Variants in MYT1L observed in about 807,000 individuals in gnomAD.
The protein encoded by MYT1L is myelin transcription factor 1 like.
MYT1L carries 12 observed loss-of-function variants against 126.7 expected under a neutral mutation model. That is an observed-to-expected ratio of 0.09 (90% CI 0.06 to 0.15). MYT1L has a LOEUF of 0.15. Among genes scored for constraint, MYT1L ranks in the 10% least tolerant of loss-of-function variants. The pLI, the probability that MYT1L is intolerant of heterozygous loss-of-function variation, is 1.00. For missense variants in MYT1L, 979 were observed against 1,585.2 expected (o/e 0.62, Z 6.49); for synonymous variants, 541 against 604.2 (o/e 0.90, Z 1.53).
At chr2:1,988,746 C>T (rs1228399584) in intron 5 of MYT1L, among the ~76,000 whole-genome samples, 1 of 152,220 alleles carries the variant, frequency 6.6e-6, no homozygotes, top group African/African-American at 2.4e-5. Flanking sequence ...AGCAGATGCT[C>T]TCCAACTCCT....
intron 4 of MYT1L, among the ~76,000 whole-genome samples, chr2:2,020,556 T>G (rs1196422661): frequency 1.3e-5 from 2 of 152,244 alleles, no homozygotes; most frequent in African/African-American, 4.8e-5. Flanking sequence ...CTACCTCCTC[T>G]TCTATGATGT....
chr2:1,974,204 C>T (rs942923526), intron 8 of MYT1L, among the ~76,000 whole-genome samples: 1 of 152,136 alleles, frequency 6.6e-6, no homozygotes, highest in Non-Finnish European at 1.5e-5. Context: ...CTGAGGTTTG[C>T]TTTGTGAGCT....
intron 23 of MYT1L, among the ~76,000 whole-genome samples, chr2:1,794,219 C>G (rs902784994): frequency 6.6e-6 from 1 of 152,210 alleles, no homozygotes; most frequent in Non-Finnish European, 1.5e-5. Context: ...GCCCCTCGGC[C>G]CCTCCTGTCT....
chr2:1,918,957 T>C (rs191505687), intron 10 of MYT1L, among the ~76,000 whole-genome samples: 1 of 152,238 alleles, frequency 6.6e-6, no homozygotes, highest in Admixed American at 6.5e-5. Context: ...AAATATAAAG[T>C]AGTAAGTGCA....
intron 2 of MYT1L, among the ~76,000 whole-genome samples, chr2:2,252,738 T>C (rs2094688150): frequency 6.6e-6 from 1 of 152,124 alleles, no homozygotes; most frequent in East Asian, 1.9e-4. Context: ...GAGGCCATCG[T>C]CTTCTTCATC....
chr2:2,196,526 C>T (rs1271753959), intron 2 of MYT1L, among the ~76,000 whole-genome samples: 1 of 150,790 alleles, frequency 6.6e-6, no homozygotes, highest in East Asian at 1.9e-4. Flanking sequence ...TATATATATC[C>T]ATATATCACA....
chr2:1,859,722 A>C (rs1253645700), intron 18 of MYT1L, among the ~76,000 whole-genome samples: 1 of 152,240 alleles, frequency 6.6e-6, no homozygotes, highest in South Asian at 2.1e-4. Flanking sequence ...TCCAGTGCCT[A>C]TATTAGCACT....
intron 2 of MYT1L, among the ~76,000 whole-genome samples, chr2:2,187,407 C>T (rs146255015): frequency 1.3e-5 from 2 of 152,052 alleles, no homozygotes; most frequent in African/African-American, 4.8e-5. Flanking sequence ...TTTCATTCGC[C>T]GTCAACACAA....
intron 3 of MYT1L, among the ~76,000 whole-genome samples, chr2:2,164,439 A>C (rs889193028): frequency 6.6e-6 from 1 of 152,204 alleles, no homozygotes; most frequent in East Asian, 1.9e-4. Context: ...GACTATGAAC[A>C]AAACACGTGG....
intron 2 of MYT1L, among the ~76,000 whole-genome samples, chr2:2,183,905 A>G (rs1205552408): frequency 6.9e-6 from 1 of 145,686 alleles, no homozygotes; most frequent in Non-Finnish European, 1.5e-5. Context: ...AGAAAAAAGG[A>G]AGGAAGGAAG....
intron 8 of MYT1L, among the ~76,000 whole-genome samples, chr2:1,968,512 G>A (rs1446393297): frequency 1.3e-5 from 2 of 152,146 alleles, no homozygotes; most frequent in Non-Finnish European, 2.9e-5. Flanking sequence ...TAATATTCAC[G>A]GCCCTGCAGA....
chr2:1,836,416 GCCC>G (rs1172533805), intron 21 of MYT1L, among the ~76,000 whole-genome samples: 4 of 146,938 alleles, frequency 2.7e-5, no homozygotes, highest in Admixed American at 6.8e-5. Context: ...CCATCAACCT[GCCC>G]CCAAGATTCC....
chr2:2,143,161 G>T (rs1179234085), intron 3 of MYT1L, among the ~76,000 whole-genome samples: 1 of 151,618 alleles, frequency 6.6e-6, no homozygotes, highest in Non-Finnish European at 1.5e-5. Flanking sequence ...GCAGTGGCAG[G>T]CGCCTGTAGT....
chr2:2,138,757 G>A (rs2083465938), intron 3 of MYT1L, among the ~76,000 whole-genome samples: 3 of 148,508 alleles, frequency 2.0e-5, no homozygotes, highest in African/African-American at 7.5e-5. Flanking sequence ...TGACGAGTTA[G>A]TGGGTGCAGC....
At chr2:1,874,490 G>T (rs2148733409) in intron 18 of MYT1L, among the ~76,000 whole-genome samples, 1 of 152,306 alleles carries the variant, frequency 6.6e-6, no homozygotes, top group East Asian at 1.9e-4. Context: ...CTGTGGGGAG[G>T]GCCGTGGACG....
rs11686022 is a variant in MYT1L at position 2,222,657 on chromosome 2, C to A, written c.-420-49669G>T. Among the ~76,000 whole-genome samples the A allele has an allele frequency of 3.3e-5, 5 of 152,078 alleles. No homozygotes were observed. In the South Asian group the frequency reaches 1.0e-3, roughly 32 times the overall value. On this transcript the variant is annotated intron_variant, in intron 2 of 24. Transcript: ENST00000647738. ...CATATTATCACAATCCTAAAGAGGG[C>A]TAAGATGTAAGATGGACTCCAGACT...
chr2:2,022,118 C>T (rs892736067), intron 4 of MYT1L, among the ~76,000 whole-genome samples: 17 of 152,116 alleles, frequency 1.1e-4, no homozygotes, highest in African/African-American at 3.9e-4. Flanking sequence ...GCACACTGTT[C>T]GTAAAAGGAA....
chr2:1,966,769 T>C, intron 8 of MYT1L, among the ~76,000 whole-genome samples: 1 of 130,208 alleles, frequency 7.7e-6, no homozygotes, highest in East Asian at 2.3e-4. Context: ...TGTTATAATG[T>C]TAAGTGAAAA....
At chr2:2,173,639 A>AT (rs1480061162) in intron 2 of MYT1L, among the ~76,000 whole-genome samples, 3 of 152,250 alleles carry the variant, frequency 2.0e-5, no homozygotes, top group Non-Finnish European at 4.4e-5. Flanking sequence ...CAAAGAGAGA[A>AT]TTTATTTTGT....
Sources: allele counts gnomAD v4.1 joint callset (sites outside exome capture counted in the v4.1 genomes callset), GRCh38; gene constraint gnomAD v4.1.1; transcripts MANE v1.5; gene names NCBI Gene and HGNC (gene_info 2026-07-23, HGNC 2026-07-21).